PRKCA: variants seen among roughly 807,000 people sequenced by gnomAD.
PRKCA encodes the protein protein kinase C alpha.
In PRKCA, 27 loss-of-function variants were observed where a neutral mutation model predicts 87.0. The observed-to-expected ratio is 0.31, with a 90% CI of 0.23 to 0.43. PRKCA has a LOEUF of 0.43. PRKCA is among the 20% of genes least tolerant of loss of function. PRKCA has a pLI of 1.00. For missense variants in PRKCA, 518 were observed against 852.3 expected, an observed-to-expected ratio of 0.61 and a Z score of 4.88; for synonymous variants, 329 against 311.1, an observed-to-expected ratio of 1.06 and a Z score of -0.61.
chr17:66,395,999 A>G (rs1048838093), intron 2 of PRKCA, among the ~76,000 whole-genome samples: 2 of 152,074 alleles, frequency 1.3e-5, no homozygotes, highest in African/African-American at 4.8e-5. Flanking sequence ...CACTAGGGAA[A>G]ATAATTGGCA....
At chr17:66,644,087 A>G (rs1971386701) in intron 4 of PRKCA, among the ~76,000 whole-genome samples, 2 of 152,234 alleles carry the variant, frequency 1.3e-5, no homozygotes, top group Admixed American at 1.3e-4. Flanking sequence ...AACACAAGCA[A>G]TATACATAAC....
intron 13 of PRKCA, among the ~76,000 whole-genome samples, chr17:66,771,733 C>G (rs2144330435): frequency 6.6e-6 from 1 of 152,152 alleles, no homozygotes; most frequent in Admixed American, 6.5e-5. Flanking sequence ...GTAGCTGGGA[C>G]TACAGGCAGG....
chr17:66,676,907 G>A (rs1318773341), intron 5 of PRKCA: 2 of 152,144 alleles, frequency 1.3e-5, no homozygotes, highest in African/African-American at 4.8e-5. Flanking sequence ...AGCACAAGGT[G>A]AAAGTTCAGA....
chr17:66,436,581 G>A (rs1314129345), intron 2 of PRKCA, among the ~76,000 whole-genome samples: 1 of 152,206 alleles, frequency 6.6e-6, no homozygotes, highest in Non-Finnish European at 1.5e-5. Flanking sequence ...TTATGGGAGT[G>A]AGGATAAGTC....
chr17:66,795,231 G>T (rs951394683), intron 16 of PRKCA, among the ~76,000 whole-genome samples: 1 of 152,128 alleles, frequency 6.6e-6, no homozygotes, highest in East Asian at 1.9e-4. Context: ...AGGAGGGAGG[G>T]TCCCTGGCAT....
At chr17:66,341,188 A>T (rs1464745828) in intron 2 of PRKCA, among the ~76,000 whole-genome samples, 2 of 152,132 alleles carry the variant, frequency 1.3e-5, no homozygotes, top group African/African-American at 4.8e-5. Flanking sequence ...CTAGCTTTCT[A>T]CTATTTAAAA....
chr17:66,646,200 C>G (rs1971449521), intron 5 of PRKCA, among the ~76,000 whole-genome samples: 1 of 152,134 alleles, frequency 6.6e-6, no homozygotes, highest in African/African-American at 2.4e-5. Context: ...GGCTATGGGA[C>G]CGGAATTCCC....
At chr17:66,526,055 T>G (rs1455440016) in intron 3 of PRKCA, among the ~76,000 whole-genome samples, 6 of 152,174 alleles carry the variant, frequency 3.9e-5, no homozygotes, top group Non-Finnish European at 5.9e-5. Context: ...ATTGAAACAT[T>G]TTTGGAAATT....
At chr17:66,569,867 A>C (rs1373798594) in intron 3 of PRKCA, among the ~76,000 whole-genome samples, 1 of 152,200 alleles carries the variant, frequency 6.6e-6, no homozygotes, top group Non-Finnish European at 1.5e-5. Context: ...AGCTGAATAC[A>C]CACTCCTGTC....
At chr17:66,655,493 A>G (rs535176707) in intron 5 of PRKCA, among the ~76,000 whole-genome samples, 27 of 152,270 alleles carry the variant, frequency 1.8e-4, no homozygotes, top group Non-Finnish European at 3.4e-4. Flanking sequence ...AGTTACCTTT[A>G]GGAAGCCTCT....
chr17:66,420,154 G>A (rs1598657591), intron 2 of PRKCA, among the ~76,000 whole-genome samples: 1 of 151,604 alleles, frequency 6.6e-6, no homozygotes, highest in East Asian at 1.9e-4. Context: ...TGGGACTGCA[G>A]AAGTATGCCA....
chr17:66,794,209 T>G (rs749057745), intron 16 of PRKCA, among the ~76,000 whole-genome samples: 4 of 152,220 alleles, frequency 2.6e-5, no homozygotes, highest in African/African-American at 2.4e-5. Context: ...GCCATTTTTT[T>G]TGTGAAATTA....
At chr17:66,710,384 CTG>C (rs954151105) in intron 8 of PRKCA, among the ~76,000 whole-genome samples, 1 of 151,446 alleles carries the variant, frequency 6.6e-6, no homozygotes, top group African/African-American at 2.5e-5. Flanking sequence ...GTAGCACTTC[CTG>C]TGTGTAACAT....
intron 12 of PRKCA, 41 bp downstream of exon 12, chr17:66,741,762 G>C (rs1974163909): frequency 6.3e-7 from 1 of 1,588,722 alleles, no homozygotes; most frequent in South Asian, 1.1e-5. Context: ...CAGCAGAGAG[G>C]TTAGCTGGGC....
chr17:66,542,290 T>C (rs1968012039), intron 3 of PRKCA, among the ~76,000 whole-genome samples: 1 of 152,176 alleles, frequency 6.6e-6, no homozygotes. Flanking sequence ...ATGTGCACAG[T>C]CTTTGTGCTA....
intron 3 of PRKCA, among the ~76,000 whole-genome samples, chr17:66,555,592 TCATC>T (rs1968469309): frequency 6.6e-6 from 1 of 152,190 alleles, no homozygotes; most frequent in South Asian, 2.1e-4. Context: ...GTTTCTAACT[TCATC>T]CAAGAAATTT....
At chr17:66,764,994 G>A (rs765818084) in intron 13 of PRKCA, among the ~76,000 whole-genome samples, 8 of 152,310 alleles carry the variant, frequency 5.3e-5, no homozygotes, top group Middle Eastern at 3.4e-3. Context: ...CATAGGAGCC[G>A]GTGGAATTCA....
At chr17:66,471,896 T>G (rs1915343490) in intron 2 of PRKCA, among the ~76,000 whole-genome samples, 1 of 152,132 alleles carries the variant, frequency 6.6e-6, no homozygotes, top group Non-Finnish European at 1.5e-5. Context: ...CAAATGCATA[T>G]TTAAGTACTA....
chr17:66,709,682 T>TG (rs544334953), intron 8 of PRKCA, among the ~76,000 whole-genome samples: 1 of 106,104 alleles, frequency 9.4e-6, no homozygotes, highest in African/African-American at 3.3e-5. Flanking sequence ...TTAAGATAGG[T>TG]TTTTTTTTTT....
Sources: gnomAD v4.1 joint callset for allele counts (sites outside exome capture counted in the v4.1 genomes callset) on GRCh38, gnomAD v4.1.1 for gene constraint, MANE v1.5 for transcripts, NCBI Gene and HGNC (gene_info 2026-07-23, HGNC 2026-07-21) for gene names.